Variants in CDK6 observed in about 807,000 individuals in gnomAD.
CDK6 encodes cyclin-dependent kinase 6.
In CDK6, 6 loss-of-function variants were observed where a neutral mutation model predicts 37.1. The observed-to-expected ratio is 0.16, with a 90% CI of 0.09 to 0.32. The LOEUF (loss-of-function observed/expected upper bound fraction) is 0.32. CDK6 is among the 10% of genes least tolerant of loss of function. The pLI is 1.00. For synonymous variants in CDK6, 160 were observed against 161.3 expected, an observed-to-expected ratio of 0.99 and a Z score of 0.06; for missense variants, 224 against 418.9, an observed-to-expected ratio of 0.53 and a Z score of 4.06.
rs1292299204 is a variant in CDK6, at chr7:92,608,384, A to C, written c.*6756T>G. The C allele has an allele frequency of 8.6e-6, 2 of 231,520 alleles. No individual in the cohort carries two copies. Among genetic ancestry groups the C allele is most frequent in the Non-Finnish European group, 1.7e-5 (2 of 117,086 alleles). 14.3% of individuals were successfully genotyped at this position (231,520 alleles called of 1,614,324 possible). On this transcript the variant is annotated 3_prime_UTR_variant, in exon 8 of 8. Transcript: ENST00000424848. Reference sequence around the variant, plus strand: ...TAACAAAGAAAAAGAGAGAAAAGAAACTGGAAGCTAAAGAATTGAGAGCTT... The same window carrying C: ...TAACAAAGAAAAAGAGAGAAAAGAACCTGGAAGCTAAAGAATTGAGAGCTT...
chr7:92,823,549 TG>T (rs1206243921), intron 2 of CDK6, among the ~76,000 whole-genome samples: 2 of 150,682 alleles, frequency 1.3e-5, no homozygotes, highest in Admixed American at 6.6e-5. Flanking sequence ...TGATCAGCAC[TG>T]GGAGTCCCTT....
intron 7 of CDK6, among the ~76,000 whole-genome samples, chr7:92,615,517 C>T (rs538108755): frequency 6.6e-6 from 1 of 152,240 alleles, no homozygotes; most frequent in South Asian, 2.1e-4. Context: ...TGTTTCCTGC[C>T]CAGGATTTCT....
At chr7:92,665,456 C>T (rs578120756) in intron 5 of CDK6, among the ~76,000 whole-genome samples, 1 of 152,164 alleles carries the variant, frequency 6.6e-6, no homozygotes, top group South Asian at 2.1e-4. Context: ...TAGCTCTTAC[C>T]CATTTTGTAG....
intron 2 of CDK6, among the ~76,000 whole-genome samples, chr7:92,828,288 T>A (rs748811538): frequency 2.0e-5 from 3 of 152,202 alleles, no homozygotes; most frequent in Non-Finnish European, 4.4e-5. Context: ...TCATTTATCG[T>A]TATGTCATTC....
intron 2 of CDK6, among the ~76,000 whole-genome samples, chr7:92,814,921 A>G (rs1314353688): frequency 6.6e-6 from 1 of 151,490 alleles, no homozygotes; most frequent in African/African-American, 2.4e-5. Context: ...ATATAATAAT[A>G]TATCTGTATA....
At chr7:92,623,696 T>C (rs1051383782) in intron 5 of CDK6, among the ~76,000 whole-genome samples, 4 of 152,176 alleles carry the variant, frequency 2.6e-5, no homozygotes, top group African/African-American at 4.8e-5. Context: ...CTTGTCTACA[T>C]TGAGCATTTA....
In CDK6 at chr7:92,658,785, A is replaced by G. The variant is rs1018220727; in HGVS notation, c.647+12641T>C. Among the ~76,000 whole-genome samples, 40 of 152,204 alleles carry G rather than the reference A, an allele frequency of 2.6e-4. 2 individuals carry two copies. The highest frequency in any genetic ancestry group is 4.4e-5 in the Non-Finnish European group (3 of 68,032). On this transcript the variant is annotated intron_variant, in intron 5 of 7. Transcript: ENST00000424848. ...ATTTTTTTAAAATTAAATAAAACTA[A>G]CAGGCATGGAAATCTCCTACTTTGA...
rs1374477819 is a variant in CDK6 at position 92,672,242 on chromosome 7, C to CACACACACACAT, written c.538-708_538-707insATGTGTGTGTGT. On this transcript the variant is annotated intron_variant, in intron 4 of 7. Coordinates refer to ENST00000424848, the MANE Select transcript of CDK6 (RefSeq NM_001145306.2). ...ACACACACACACACACACACACACA[C>CACACACACACAT]ATATATGAAGATGGTGCCAGGGCTG... Among the ~76,000 whole-genome samples the CACACACACACAT allele has an allele frequency of 5.2e-3, 602 of 116,230 alleles. 20 individuals are homozygous for CACACACACACAT. Among genetic ancestry groups the CACACACACACAT allele is most frequent in the African/African-American group, 0.018 (414 of 22,974 alleles). The allele number at this position is 116,230 out of a possible 152,430, so 76.3% of individuals were successfully genotyped here.
At chr7:92,670,859 C>CT (rs1442712864) in intron 5 of CDK6, among the ~76,000 whole-genome samples, 1 of 152,200 alleles carries the variant, frequency 6.6e-6, no homozygotes, top group Non-Finnish European at 1.5e-5. Context: ...AAAAATCTTT[C>CT]TTTTTGTAAT....
chr7:92,744,803 T>G (rs1249072385), intron 3 of CDK6, among the ~76,000 whole-genome samples: 1 of 152,188 alleles, frequency 6.6e-6, no homozygotes, highest in Non-Finnish European at 1.5e-5. Context: ...CAGTTCTCAA[T>G]TTCTTGAAAC....
rs1403186767 is a variant in CDK6 at position 92,672,172 on chromosome 7, C to T, written c.538-637G>A. On this transcript the variant is annotated intron_variant, in intron 4 of 7. Transcript: ENST00000424848. ...ATATATATATATATACACATACACA[C>T]ACACACACACAGACACATACACACA... Among the ~76,000 whole-genome samples, 330 of 95,228 alleles carry T rather than the reference C, an allele frequency of 3.5e-3. 6 individuals are homozygous for T. The highest frequency in any genetic ancestry group is 0.026 in the South Asian group (59 of 2,272). 62.5% of individuals were successfully genotyped at this position (95,228 alleles called of 152,430 possible).
intron 2 of CDK6, among the ~76,000 whole-genome samples, chr7:92,822,764 G>T (rs1292271539): frequency 6.6e-6 from 1 of 152,044 alleles, no homozygotes; most frequent in African/African-American, 2.4e-5. Context: ...TTTTATTTTT[G>T]CAGAATTGTA....
At chr7:92,648,695 G>A (rs567357454) in intron 5 of CDK6, among the ~76,000 whole-genome samples, 2 of 152,188 alleles carry the variant, frequency 1.3e-5, no homozygotes, top group Non-Finnish European at 2.9e-5. Context: ...ATGACCGAGT[G>A]TTTGCCAAGT....
intron 2 of CDK6, among the ~76,000 whole-genome samples, chr7:92,814,876 A>ACCC (rs1041950341): frequency 8.6e-5 from 13 of 152,022 alleles, no homozygotes; most frequent in South Asian, 2.1e-4. Context: ...GGTATTTTGT[A>ACCC]CCCCTTCATT....
chr7:92,777,318 C>T (rs911726854), intron 2 of CDK6, among the ~76,000 whole-genome samples: 16 of 152,110 alleles, frequency 1.1e-4, no homozygotes, highest in South Asian at 4.1e-4. Flanking sequence ...CCACAACCTC[C>T]GCCTCCCAGG....
At chr7:92,707,406 A>T (rs930563365) in intron 4 of CDK6, among the ~76,000 whole-genome samples, 1 of 152,242 alleles carries the variant, frequency 6.6e-6, no homozygotes, top group Non-Finnish European at 1.5e-5. Context: ...TATACTGTGT[A>T]TAATAGCCGT....
intron 2 of CDK6, among the ~76,000 whole-genome samples, chr7:92,823,542 TCAG>T (rs1438627440): frequency 1.3e-5 from 2 of 150,174 alleles, no homozygotes; most frequent in East Asian, 4.0e-4. Flanking sequence ...TCATTCATGA[TCAG>T]CACTGGGAGT....
intron 4 of CDK6, among the ~76,000 whole-genome samples, chr7:92,678,887 T>C (rs1797269204): frequency 6.6e-6 from 1 of 152,216 alleles, no homozygotes; most frequent in Admixed American, 6.5e-5. Context: ...CTCTTTGATT[T>C]TCCTCCCAGC....
chr7:92,766,434 A>C (rs886532346), intron 3 of CDK6, among the ~76,000 whole-genome samples: 4 of 152,302 alleles, frequency 2.6e-5, no homozygotes, highest in Middle Eastern at 3.4e-3. Flanking sequence ...GGAAGGCTTG[A>C]GTTTGGCAGA....
Sources: gnomAD v4.1 joint callset for allele counts (sites outside exome capture counted in the v4.1 genomes callset) on GRCh38, gnomAD v4.1.1 for gene constraint, MANE v1.5 for transcripts, NCBI Gene and HGNC (gene_info 2026-07-23, HGNC 2026-07-21) for gene names.